The following FRS2 variants were observed in gnomAD, a reference collection of about 807,000 sequenced individuals.
The protein encoded by FRS2 is fibroblast growth factor receptor substrate 2, also known as FGFR signalling adaptor.
FRS2 carries 8 observed loss-of-function variants against 43.9 expected under a neutral mutation model. The observed-to-expected ratio is 0.18, with a 90% confidence interval of 0.11 to 0.33. The LOEUF (loss-of-function observed/expected upper bound fraction) is 0.33, where lower values mean the gene tolerates loss of function less well. Among genes scored for constraint, FRS2 ranks in the 10% least tolerant of loss-of-function variants. The pLI is 1.00. For synonymous variants in FRS2, 219 were observed against 220.3 expected (o/e 0.99, Z 0.05); for missense variants, 534 against 627.6 (o/e 0.85, Z 1.59).
chr12:69,477,038 T>G (rs1447179603), intron 1 of FRS2, among the ~76,000 whole-genome samples: 1 of 152,140 alleles, frequency 6.6e-6, no homozygotes, highest in Non-Finnish European at 1.5e-5. Context: ...TCATTGTTGC[T>G]GGTAAATAAA....
At chr12:69,565,346 A>G (rs1880201490) in intron 4 of FRS2, among the ~76,000 whole-genome samples, 1 of 152,222 alleles carries the variant, frequency 6.6e-6, no homozygotes, top group Admixed American at 6.5e-5. Context: ...GTGAAGGCCT[A>G]GAATGTTATC....
chr12:69,502,789 T>C (rs1251022765), intron 1 of FRS2, among the ~76,000 whole-genome samples: 1 of 152,188 alleles, frequency 6.6e-6, no homozygotes, highest in East Asian at 1.9e-4. Flanking sequence ...TTTCTTTAGT[T>C]TCCAGGCAAA....
intron 3 of FRS2, among the ~76,000 whole-genome samples, chr12:69,536,384 A>C (rs972439299): frequency 6.6e-5 from 10 of 151,346 alleles, no homozygotes; most frequent in Non-Finnish European, 1.3e-4. Context: ...CAGCCTCCCA[A>C]AGTGCTGGGA....
intron 3 of FRS2, among the ~76,000 whole-genome samples, chr12:69,557,619 TGC>T (rs529133007): frequency 0.011 from 1,330 of 119,000 alleles, 12 homozygotes; most frequent in Middle Eastern, 0.017. Context: ...TGTGTGTGTG[TGC>T]GCGCGCGCGC....
At chr12:69,563,704 GT>G (rs1375574331) in intron 4 of FRS2, among the ~76,000 whole-genome samples, 1 of 152,092 alleles carries the variant, frequency 6.6e-6, no homozygotes, top group African/African-American at 2.4e-5. Flanking sequence ...TAGCTCCTTG[GT>G]GACTAATCCT....
chr12:69,533,848 G>A (rs948309525), intron 3 of FRS2, among the ~76,000 whole-genome samples: 18 of 152,076 alleles, frequency 1.2e-4, no homozygotes, highest in East Asian at 5.8e-4. Flanking sequence ...AGTATCTTCC[G>A]TCCCAAAAGG....
At chr12:69,498,119 G>A (rs1373884009) in intron 1 of FRS2, among the ~76,000 whole-genome samples, 2 of 152,036 alleles carry the variant, frequency 1.3e-5, no homozygotes, top group Non-Finnish European at 2.9e-5. Context: ...TTTTCTGAAT[G>A]GAGAGTGGGC....
chr12:69,552,302 C>CAAAAAA (rs35353764), intron 3 of FRS2, among the ~76,000 whole-genome samples: 3 of 51,366 alleles, frequency 5.8e-5, no homozygotes, highest in East Asian at 1.0e-3. Flanking sequence ...AACTCCGTCT[C>CAAAAAA]AAAAAAAAAA....
intron 3 of FRS2, among the ~76,000 whole-genome samples, chr12:69,559,109 G>A (rs528123794): frequency 3.3e-5 from 5 of 152,222 alleles, no homozygotes; most frequent in South Asian, 2.1e-4. Context: ...CCAGAAGTTC[G>A]AGACCAGCCC....
chr12:69,575,193 A>T lies in FRS2; in HGVS notation c.*238A>T. 2.2e-6 allele frequency: 1 copy of T among 447,166 alleles called. No homozygotes were observed. Among genetic ancestry groups the T allele is most frequent in the Non-Finnish European group, 3.9e-6 (1 of 253,682 alleles). The allele number at this position is 447,166 out of a possible 1,614,324, so 27.7% of individuals were successfully genotyped here. ...CAGCATTCCCGTTTTCACAGTGCCT[A>T]TTTAAAATGAGAGTTGAAGTAAATG... On this transcript the variant is annotated 3_prime_UTR_variant, in exon 9 of 9. Coordinates refer to ENST00000549921, the MANE Select transcript of FRS2 (RefSeq NM_001278356.2).
intron 3 of FRS2, among the ~76,000 whole-genome samples, chr12:69,540,431 C>G (rs999103840): frequency 2.0e-5 from 3 of 150,206 alleles, no homozygotes; most frequent in African/African-American, 7.3e-5. Flanking sequence ...TAACAGTGAT[C>G]AAAGTTGGAA....
chr12:69,567,812 A>G (rs990109159), intron 4 of FRS2, among the ~76,000 whole-genome samples: 1 of 152,200 alleles, frequency 6.6e-6, no homozygotes, highest in African/African-American at 2.4e-5. Flanking sequence ...TTATTCTGAC[A>G]GGACTAAGAA....
Position 69,569,037 on chromosome 12 carries a change from A to G in FRS2, c.7A>G (p.Ser3Gly). Residue 3 changes from serine (S) to glycine (G), a missense_variant, in exon 5 of 9, where the codon AGC (serine) becomes GGC (glycine). Physicochemically the swap from Ser to Gly is moderately conservative, Grantham distance 56. Transcript: ENST00000549921. Reference protein sequence around the residue: MGSCCSCPDKDTV... With the variant: MGGCCSCPDKDTV... ...ATGGTCTTCTGAAGAAGCCATGGGTAGCTGTTGTAGCTGTCCAGATAAAGA... is the reference window on the plus strand; with the variant it reads ...ATGGTCTTCTGAAGAAGCCATGGGTGGCTGTTGTAGCTGTCCAGATAAAGA... 2 of 1,609,594 alleles carry G rather than the reference A, an allele frequency of 1.2e-6. No individual in the cohort carries two copies. The highest frequency in any genetic ancestry group is 1.3e-5 in the African/African-American group (1 of 74,880).
At chr12:69,535,846 T>C (rs1019690229) in intron 3 of FRS2, among the ~76,000 whole-genome samples, 6 of 151,974 alleles carry the variant, frequency 3.9e-5, no homozygotes, top group African/African-American at 1.5e-4. Context: ...TTTCTCCTTA[T>C]AGATGTGTTA....
chr12:69,560,227 A>T (rs1470831993), intron 3 of FRS2, among the ~76,000 whole-genome samples: 1 of 152,226 alleles, frequency 6.6e-6, no homozygotes, highest in Non-Finnish European at 1.5e-5. Context: ...TTTACCTGTA[A>T]TGGTGATATA....
At chr12:69,548,133 G>A (rs149084754) in intron 3 of FRS2, among the ~76,000 whole-genome samples, 22 of 152,218 alleles carry the variant, frequency 1.4e-4, no homozygotes, top group Admixed American at 2.6e-4. Flanking sequence ...AATTACAGGC[G>A]TAAGCCACTG....
chr12:69,541,914 G>C (rs574828510), intron 3 of FRS2, among the ~76,000 whole-genome samples: 1 of 151,236 alleles, frequency 6.6e-6, no homozygotes, highest in South Asian at 2.1e-4. Context: ...TATGTAAAAA[G>C]TCTTCTTATT....
At chr12:69,521,770 G>A (rs373719371) in intron 1 of FRS2, among the ~76,000 whole-genome samples, 8 of 151,780 alleles carry the variant, frequency 5.3e-5, no homozygotes, top group East Asian at 1.9e-4. Flanking sequence ...GCCCGCCACC[G>A]CACCTGGCTA....
chr12:69,478,518 A>G (rs566256884), intron 1 of FRS2, among the ~76,000 whole-genome samples: 2 of 152,332 alleles, frequency 1.3e-5, no homozygotes, highest in African/African-American at 4.8e-5. Flanking sequence ...ACACATCTTC[A>G]TGACACCTCT....
Sources: allele counts gnomAD v4.1 joint callset (sites outside exome capture counted in the v4.1 genomes callset), GRCh38; gene constraint gnomAD v4.1.1; transcripts MANE v1.5; gene names NCBI Gene and HGNC (gene_info 2026-07-23, HGNC 2026-07-21).